TENM3: variants seen among roughly 807,000 people sequenced by gnomAD.
The protein encoded by TENM3 is teneurin transmembrane protein 3, also known as teneurin-3.
In TENM3, 63 loss-of-function variants were observed where a neutral mutation model predicts 255.1. That is an observed-to-expected ratio of 0.25 (90% CI 0.20 to 0.30). The LOEUF (loss-of-function observed/expected upper bound fraction) is 0.30, where lower values mean the gene tolerates loss of function less well. TENM3 is among the 10% of genes least tolerant of loss of function. The probability of loss-of-function intolerance (pLI) is 1.00; values close to 1 mark genes in which losing one functional copy is unlikely to be tolerated. For missense variants in TENM3, 2,929 were observed against 3,461.1 expected, an observed-to-expected ratio of 0.85 and a Z score of 3.86; for synonymous variants, 1,306 against 1,322.3, an observed-to-expected ratio of 0.99 and a Z score of 0.27.
intron 19 of TENM3, among the ~76,000 whole-genome samples, chr4:182,746,812 G>T (rs1022204910): frequency 2.0e-5 from 3 of 152,158 alleles, no homozygotes; most frequent in African/African-American, 7.2e-5. Context: ...TAAGTGATAA[G>T]AAAGAGGAAG....
intron 3 of TENM3, among the ~76,000 whole-genome samples, chr4:182,473,476 A>C (rs1580674161): frequency 6.6e-6 from 1 of 152,304 alleles, no homozygotes; most frequent in East Asian, 1.9e-4. Context: ...GATCGAGACC[A>C]TGCTGGCTAA....
chr4:182,717,242 C>T (rs574325050), intron 13 of TENM3, among the ~76,000 whole-genome samples: 50 of 152,248 alleles, frequency 3.3e-4, no homozygotes, highest in African/African-American at 9.9e-4. Flanking sequence ...AATAGGTGTT[C>T]CTCCTTGCCT....
At chr4:182,062,880 T>C in the TENM3 span, among the ~76,000 whole-genome samples, 1 of 152,274 alleles carries the variant, frequency 6.6e-6, no homozygotes, top group East Asian at 1.9e-4. Flanking sequence ...CTTTAAAAAA[T>C]GAAGAAAGGT....
the TENM3 span, among the ~76,000 whole-genome samples, chr4:181,562,600 T>G: frequency 6.6e-6 from 1 of 152,130 alleles, no homozygotes; most frequent in Non-Finnish European, 1.5e-5. Flanking sequence ...GAATCAAAGC[T>G]GGCTCACCAG....
chr4:181,684,734 A>C, the TENM3 span, among the ~76,000 whole-genome samples: 1 of 152,048 alleles, frequency 6.6e-6, no homozygotes, highest in Non-Finnish European at 1.5e-5. Context: ...AACTTACATT[A>C]GTGTCTGTTT....
intron 23 of TENM3, chr4:182,773,854 T>C (rs1579447928): frequency 1.4e-5 from 6 of 418,770 alleles, no homozygotes; most frequent in Non-Finnish European, 2.5e-5. Flanking sequence ...CTGTCATCCT[T>C]GGAATAGTGT....
the TENM3 span, among the ~76,000 whole-genome samples, chr4:181,453,561 CA>C: frequency 2.0e-5 from 3 of 150,336 alleles, no homozygotes; most frequent in East Asian, 2.0e-4. Flanking sequence ...AAGTTGATAG[CA>C]AAAAAAAAGG....
At chr4:181,771,811 A>G in the TENM3 span, among the ~76,000 whole-genome samples, 1 of 152,214 alleles carries the variant, frequency 6.6e-6, no homozygotes, top group Non-Finnish European at 1.5e-5. Context: ...TTGCGAAGCA[A>G]GGCTTTGGTG....
At chr4:181,655,842 G>A in the TENM3 span, among the ~76,000 whole-genome samples, 20 of 152,296 alleles carry the variant, frequency 1.3e-4, no homozygotes, top group African/African-American at 4.3e-4. Flanking sequence ...TGAGGTGAAG[G>A]AATAAGATAG....
chr4:181,471,508 G>C, the TENM3 span, among the ~76,000 whole-genome samples: 1 of 152,112 alleles, frequency 6.6e-6, no homozygotes, highest in African/African-American at 2.4e-5. Context: ...TGCAGGCATG[G>C]TGAGGTTAAG....
intron 27 of TENM3, among the ~76,000 whole-genome samples, chr4:182,798,114 C>T (rs1172609799): frequency 6.6e-6 from 1 of 152,040 alleles, no homozygotes; most frequent in East Asian, 1.9e-4. Flanking sequence ...CTCAAGCGAT[C>T]CTCCCACCTC....
the TENM3 span, among the ~76,000 whole-genome samples, chr4:181,493,491 G>T: frequency 6.6e-6 from 1 of 152,134 alleles, no homozygotes; most frequent in Non-Finnish European, 1.5e-5. Context: ...AGCACTTTGA[G>T]AGGCCGAGGC....
chr4:182,534,504 C>G (rs1740093528), intron 3 of TENM3, among the ~76,000 whole-genome samples: 1 of 152,018 alleles, frequency 6.6e-6, no homozygotes, highest in African/African-American at 2.4e-5. Context: ...TTTTTTGTAA[C>G]CTAATTAGAA....
chr4:181,640,510 G>A, the TENM3 span, among the ~76,000 whole-genome samples: 126 of 152,154 alleles, frequency 8.3e-4, no homozygotes, highest in Non-Finnish European at 1.2e-3. Context: ...CCTCTGCCAC[G>A]TCTCTGAAGC....
chr4:182,381,123 G>A lies in TENM3; in HGVS notation c.511+34194G>A, dbSNP rs542944547. Among the ~76,000 whole-genome samples the A allele has an allele frequency of 2.2e-4, 34 of 152,320 alleles. 1 individual carries two copies. The highest frequency in any genetic ancestry group is 1.1e-3 in the Admixed American group (17 of 15,310). The stretch of plus-strand genomic sequence containing the variant: ...GAGATCAGACAGCTGTGAGAGTCCC[G>A]ACCAGGGCTGAGCTGAGGAGTGAGA... On this transcript the variant is annotated intron_variant, in intron 3 of 27. Transcript: ENST00000511685.
chr4:182,401,210 T>C (rs1188487388), intron 3 of TENM3, among the ~76,000 whole-genome samples: 1 of 152,164 alleles, frequency 6.6e-6, no homozygotes, highest in African/African-American at 2.4e-5. Flanking sequence ...AAAAGGTCCT[T>C]TATACATTTT....
At chr4:181,774,028 T>TTA in the TENM3 span, among the ~76,000 whole-genome samples, 1 of 86,894 alleles carries the variant, frequency 1.2e-5, no homozygotes, top group Non-Finnish European at 2.3e-5. Context: ...TTTTTTTTTT[T>TTA]ATTATACTCT....
At chr4:182,389,105 A>G (rs1768222605) in intron 3 of TENM3, among the ~76,000 whole-genome samples, 7 of 152,226 alleles carry the variant, frequency 4.6e-5, no homozygotes, top group Admixed American at 4.6e-4. Context: ...CATCATTAAT[A>G]TGTCAAATCT....
chr4:181,604,850 C>G, the TENM3 span, among the ~76,000 whole-genome samples: 6 of 152,190 alleles, frequency 3.9e-5, no homozygotes, highest in East Asian at 1.2e-3. Context: ...GGCATCTCAG[C>G]TGTCTGAGAC....
Sources: gnomAD v4.1 joint callset for allele counts (sites outside exome capture counted in the v4.1 genomes callset) on GRCh38, gnomAD v4.1.1 for gene constraint, MANE v1.5 for transcripts, NCBI Gene and HGNC (gene_info 2026-07-23, HGNC 2026-07-21) for gene names.